FAM185A: variants seen among roughly 807,000 people sequenced by gnomAD.
The protein encoded by FAM185A is protein FAM185A.
In FAM185A, 21 loss-of-function variants were observed where a neutral mutation model predicts 45.7. The observed-to-expected ratio is 0.46, with a 90% CI of 0.33 to 0.66. FAM185A has a LOEUF of 0.66. Ranked by LOEUF, FAM185A falls within the 30% of genes least tolerant of loss-of-function variation. The probability of loss-of-function intolerance (pLI) is 0.03; values close to 1 mark genes in which losing one functional copy is unlikely to be tolerated. For synonymous variants in FAM185A, 117 were observed against 194.0 expected, an observed-to-expected ratio of 0.60 and a Z score of 3.30; for missense variants, 305 against 485.4, an observed-to-expected ratio of 0.63 and a Z score of 3.49.
intron 3 of FAM185A, among the ~76,000 whole-genome samples, chr7:102,760,966 C>T (rs112219298): frequency 0.037 from 5,577 of 152,080 alleles, 117 homozygotes; most frequent in African/African-American, 0.059. Context: ...TACAATAGCA[C>T]TTAAAAATAT....
chr7:102,785,213 A>C (rs1349510636), intron 6 of FAM185A, among the ~76,000 whole-genome samples: 1 of 151,960 alleles, frequency 6.6e-6, no homozygotes, highest in Non-Finnish European at 1.5e-5. Flanking sequence ...TTCCATGCTC[A>C]TGGGTAGGAA....
At chr7:102,778,728 C>T (rs1324125379) in intron 6 of FAM185A, among the ~76,000 whole-genome samples, 2 of 152,090 alleles carry the variant, frequency 1.3e-5, no homozygotes, top group African/African-American at 2.4e-5. Context: ...ATGTTACTGG[C>T]AAAAGCTTAA....
chr7:102,807,788 G>A (rs1429414427), intron 7 of FAM185A, among the ~76,000 whole-genome samples: 2 of 151,932 alleles, frequency 1.3e-5, no homozygotes, highest in Non-Finnish European at 2.9e-5. Flanking sequence ...GCTGGGCGTG[G>A]TGGCTCATGC....
the FAM185A span, chr7:102,827,195 G>T: frequency 3.1e-5 from 14 of 450,570 alleles, no homozygotes; most frequent in Non-Finnish European, 6.3e-5. Context: ...CCTTGAAGCA[G>T]CTCAGCTAGC....
chr7:102,767,081 C>A (rs1213590776), intron 4 of FAM185A, among the ~76,000 whole-genome samples: 1 of 152,074 alleles, frequency 6.6e-6, no homozygotes, highest in Admixed American at 6.5e-5. Context: ...CAGGCATGAG[C>A]CACCGCACCT....
the FAM185A span, among the ~76,000 whole-genome samples, chr7:102,839,154 A>G: frequency 6.6e-6 from 1 of 152,224 alleles, no homozygotes; most frequent in East Asian, 1.9e-4. Flanking sequence ...ACTGAGATGT[A>G]TGGGTGGAGA....
At chr7:102,790,823 C>A (rs1335842742) in intron 7 of FAM185A, among the ~76,000 whole-genome samples, 1 of 152,204 alleles carries the variant, frequency 6.6e-6, no homozygotes, top group Admixed American at 6.5e-5. Flanking sequence ...CCTAGCCTAC[C>A]TCCTCCTTCT....
At chr7:102,839,915 C>T in the FAM185A span, among the ~76,000 whole-genome samples, 1 of 152,034 alleles carries the variant, frequency 6.6e-6, no homozygotes, top group Admixed American at 6.5e-5. Flanking sequence ...ATTTTCTTGT[C>T]ACACCAAAAA....
chr7:102,806,741 T>C (rs527955666), intron 7 of FAM185A, among the ~76,000 whole-genome samples: 26 of 152,274 alleles, frequency 1.7e-4, no homozygotes, highest in Admixed American at 1.6e-3. Context: ...AGAATAGATC[T>C]GAGAAACAAA....
At chr7:102,793,872 C>G (rs1796283183) in intron 7 of FAM185A, among the ~76,000 whole-genome samples, 1 of 151,842 alleles carries the variant, frequency 6.6e-6, no homozygotes, top group Admixed American at 6.6e-5. Flanking sequence ...AACCCTGTCT[C>G]TACTAAACAT....
chr7:102,783,934 T>C (rs1795594721), intron 6 of FAM185A, among the ~76,000 whole-genome samples: 1 of 152,062 alleles, frequency 6.6e-6, no homozygotes, highest in Non-Finnish European at 1.5e-5. Context: ...GATAGACCGC[T>C]AGCAAGACTA....
At chr7:102,813,482 T>G (rs756112096), downstream of FAM185A, 8 of 1,614,172 alleles carry the variant, frequency 5.0e-6, no homozygotes, top group South Asian at 6.6e-5. Context: ...GGGTCATTAG[T>G]GTTGTATTCC....
intron 4 of FAM185A, among the ~76,000 whole-genome samples, chr7:102,768,892 AATTT>A (rs1334484950): frequency 6.6e-5 from 10 of 152,096 alleles, no homozygotes; most frequent in Non-Finnish European, 1.2e-4. Flanking sequence ...TCAAATAATT[AATTT>A]ATTATTTTCA....
At chr7:102,834,925 C>T in the FAM185A span, among the ~76,000 whole-genome samples, 102 of 149,022 alleles carry the variant, frequency 6.8e-4, no homozygotes, top group African/African-American at 2.4e-3. Flanking sequence ...TGTATCAAAA[C>T]AGCATGTTGT....
At chr7:102,841,072 C>A in the FAM185A span, among the ~76,000 whole-genome samples, 3 of 152,068 alleles carry the variant, frequency 2.0e-5, no homozygotes, top group East Asian at 5.8e-4. Flanking sequence ...GTGAGACATG[C>A]CACAGGCCCT....
At chr7:102,782,655 A>G (rs1291652755) in intron 6 of FAM185A, among the ~76,000 whole-genome samples, 1 of 152,222 alleles carries the variant, frequency 6.6e-6, no homozygotes, top group East Asian at 1.9e-4. Flanking sequence ...AGGAAGCACT[A>G]AACATGGAAA....
downstream of FAM185A, among the ~76,000 whole-genome samples, chr7:102,814,018 TAC>T (rs940769032): frequency 6.6e-6 from 1 of 152,132 alleles, no homozygotes; most frequent in African/African-American, 2.4e-5. Context: ...TTGTCTATAA[TAC>T]ACATTTTTAT....
chr7:102,806,271 G>T (rs1797106737), intron 7 of FAM185A, among the ~76,000 whole-genome samples: 1 of 151,948 alleles, frequency 6.6e-6, no homozygotes, highest in African/African-American at 2.4e-5. Flanking sequence ...TGCAGCCTCC[G>T]CCTCCAAGGT....
chr7:102,785,573 A>G (rs1795734730), intron 6 of FAM185A, among the ~76,000 whole-genome samples: 1 of 151,652 alleles, frequency 6.6e-6, no homozygotes, highest in Non-Finnish European at 1.5e-5. Context: ...AAAACAAGCA[A>G]TGGGGAAAGG....
Sources: allele counts gnomAD v4.1 joint callset (sites outside exome capture counted in the v4.1 genomes callset), GRCh38; gene constraint gnomAD v4.1.1; transcripts MANE v1.5; gene names NCBI Gene and HGNC (gene_info 2026-07-23, HGNC 2026-07-21).